Variants in PCDHGB4 observed in about 807,000 individuals in gnomAD.
The protein encoded by PCDHGB4 is protocadherin gamma subfamily B, 4, also known as protocadherin gamma-B4.
PCDHGB4 carries 38 observed loss-of-function variants against 60.5 expected under a neutral mutation model. The ratio of observed to expected loss-of-function variants is 0.63; its 90% CI spans 0.48 to 0.82. The LOEUF (loss-of-function observed/expected upper bound fraction) is 0.82, where lower values mean the gene tolerates loss of function less well. Among genes scored for constraint, PCDHGB4 ranks in the 40% least tolerant of loss-of-function variants. The pLI is 0.00. For synonymous variants in PCDHGB4, 456 were observed against 509.7 expected (o/e 0.89, Z 1.42); for missense variants, 1,109 against 1,209.6 (o/e 0.92, Z 1.23).
chr5:141,478,882 A>G, intron 1 of PCDHGB4: 1 of 1,200,164 alleles, frequency 8.3e-7, no homozygotes. Context: ...TTAGCTTGGT[A>G]TCATTTACAT....
intron 1 of PCDHGB4, among the ~76,000 whole-genome samples, chr5:141,438,614 A>G (rs1208036297): frequency 5.8e-5 from 2 of 34,396 alleles, no homozygotes. Context: ...ATATATATAT[A>G]TATATATATA....
intron 1 of PCDHGB4, chr5:141,423,110 G>C: frequency 6.2e-7 from 1 of 1,613,842 alleles, no homozygotes; most frequent in Non-Finnish European, 8.5e-7. Context: ...GGCGAGGTGC[G>C]TACAGCGCGG....
At chr5:141,420,811 CT>C (rs2096526727) in intron 1 of PCDHGB4, among the ~76,000 whole-genome samples, 1 of 152,214 alleles carries the variant, frequency 6.6e-6, no homozygotes, top group Admixed American at 6.5e-5. Flanking sequence ...TAAGCAAGCC[CT>C]TTTAATAATT....
At chr5:141,420,018 G>A (rs2096458708) in intron 1 of PCDHGB4, 2 of 1,613,948 alleles carry the variant, frequency 1.2e-6, no homozygotes, top group African/African-American at 1.3e-5. Flanking sequence ...CAGTCTTTCA[G>A]CCCTACTGCA....
intron 2 of PCDHGB4, among the ~76,000 whole-genome samples, chr5:141,501,166 C>T (rs1443045812): frequency 6.6e-6 from 1 of 152,154 alleles, no homozygotes; most frequent in African/African-American, 2.4e-5. Flanking sequence ...CATCCCCAGC[C>T]TCATTTACAT....
At chr5:141,415,014 C>G (rs747951360) in intron 1 of PCDHGB4, 1 of 1,613,502 alleles carries the variant, frequency 6.2e-7, no homozygotes, top group African/African-American at 1.3e-5. Flanking sequence ...ACCGTCTGCT[C>G]AAGGCCAGCG....
chr5:141,474,967 T>G (rs745581213), intron 1 of PCDHGB4, among the ~76,000 whole-genome samples: 6 of 152,252 alleles, frequency 3.9e-5, no homozygotes, highest in Non-Finnish European at 7.3e-5. Context: ...TCCTAATCAT[T>G]ATAATTTTGT....
At position 141,485,833 on chromosome 5, in the gene PCDHGB4, G is replaced by A. The variant is rs780944737; in HGVS notation, c.2398-8974G>A. 64 of 1,613,904 alleles carry A rather than the reference G, an allele frequency of 4.0e-5. No homozygotes were observed. Among genetic ancestry groups the A allele is most frequent in the Non-Finnish European group, 2.5e-6 (3 of 1,180,004 alleles). On this transcript the variant is annotated intron_variant, in intron 1 of 3. Coordinates refer to ENST00000519479, the MANE Select transcript of PCDHGB4 (RefSeq NM_003736.4). This position sits in a 1 kb window ranked among gnomAD's most constrained non-coding sequence, Gnocchi z 5.7. Reference sequence around the variant, plus strand: ...TGACTGCTGTCGATGGAGGGAACCCGCCGAGATCTGGCACCGCAGAGCTCC... The same window carrying A: ...TGACTGCTGTCGATGGAGGGAACCCACCGAGATCTGGCACCGCAGAGCTCC...
At chr5:141,467,455 GCTAGTA>G (rs2099144342) in intron 1 of PCDHGB4, among the ~76,000 whole-genome samples, 1 of 152,192 alleles carries the variant, frequency 6.6e-6, no homozygotes, top group African/African-American at 2.4e-5. Context: ...TTCTTCCAGT[GCTAGTA>G]CTTGCATGGT....
Position 141,423,758 on chromosome 5 carries a change from GGGT to G in PCDHGB4, c.2397+33480_2397+33482del, listed in dbSNP as rs776356896. The G allele has an allele frequency of 7.0e-4, 256 of 366,834 alleles. 2 individuals are homozygous for G. The highest frequency in any genetic ancestry group is 6.8e-3 in the African/African-American group (232 of 34,230). The allele number at this position is 366,834 out of a possible 1,614,324, so 22.7% of individuals were successfully genotyped here. A position where few individuals can be genotyped will look rare whatever the true frequency, so the allele number is the denominator to read the frequency against. ...CTGTTATGAAAACTGTTTGGGGGGG[GGGT>G]GGGGCGGCATATATTTAGTTCATAT... On this transcript the variant is annotated intron_variant, in intron 1 of 3. Coordinates refer to ENST00000519479, the MANE Select transcript of PCDHGB4 (RefSeq NM_003736.4).
intron 1 of PCDHGB4, among the ~76,000 whole-genome samples, chr5:141,456,765 C>A (rs1468235444): frequency 2.0e-5 from 3 of 151,852 alleles, no homozygotes; most frequent in Non-Finnish European, 2.9e-5. Context: ...GAGTTTGAGA[C>A]CAGCCTGGCC....
chr5:141,423,241 G>A (rs1485226833), intron 1 of PCDHGB4: 19 of 1,613,954 alleles, frequency 1.2e-5, no homozygotes, highest in Non-Finnish European at 1.4e-5. Flanking sequence ...CATCCCCGAA[G>A]TCCTGGCGGA....
Position 141,393,770 on chromosome 5 carries a change from A to G in PCDHGB4, c.2397+3489A>G, listed in dbSNP as rs372280460. 83 of 1,613,864 alleles carry G rather than the reference A, an allele frequency of 5.1e-5. 1 individual carries two copies. Among genetic ancestry groups the G allele is most frequent in the Middle Eastern group, 1.6e-4 (1 of 6,084 alleles). On this transcript the variant is annotated intron_variant, in intron 1 of 3. Transcript: ENST00000519479. ...AATGTTCATTTTATGAAATGGAAAT[A>G]CAAGCCGAAGATGTGGGGGCACTTC... is the stretch of plus-strand genomic sequence containing the variant.
At chr5:141,481,592 C>T (rs765060653) in intron 1 of PCDHGB4, among the ~76,000 whole-genome samples, 2 of 152,112 alleles carry the variant, frequency 1.3e-5, no homozygotes, top group East Asian at 1.9e-4. Context: ...CTGAGGCCAG[C>T]GGATCACCTG....
chr5:141,478,302 C>T lies in PCDHGB4; in HGVS notation c.2398-16505C>T. On this transcript the variant is annotated intron_variant, in intron 1 of 3. Transcript: ENST00000519479. ...AAGCAGTCTAGAGACCTATACCGAG[C>T]CCCGGTGAGCTCACTGTACCGAACA... 4 of 1,614,070 alleles carry T rather than the reference C, an allele frequency of 2.5e-6. No individual in the cohort carries two copies. Among genetic ancestry groups the T allele is most frequent in the Non-Finnish European group, 3.4e-6 (4 of 1,180,038 alleles).
chr5:141,418,284 T>A (rs766608852), intron 1 of PCDHGB4: 19 of 1,613,826 alleles, frequency 1.2e-5, no homozygotes, highest in Non-Finnish European at 1.4e-5. Flanking sequence ...AACTTAGAAA[T>A]CAGTGAATCC....
intron 1 of PCDHGB4, chr5:141,412,426 A>G (rs1051574976): frequency 2.6e-5 from 4 of 152,234 alleles, no homozygotes; most frequent in African/African-American, 9.6e-5. Context: ...GTTTTACACA[A>G]AAAGGTTAAT....
chr5:141,427,099 A>G (rs989437547), intron 1 of PCDHGB4: 3 of 457,936 alleles, frequency 6.6e-6, no homozygotes, highest in African/African-American at 6.0e-5. Context: ...GAGGGTGTCA[A>G]TGCGGAGATC....
rs201279747 is a variant in PCDHGB4, at chr5:141,414,931, G to A, written c.2397+24650G>A. On this transcript the variant is annotated intron_variant, in intron 1 of 3. Coordinates refer to ENST00000519479, the MANE Select transcript of PCDHGB4 (RefSeq NM_003736.4). ...AGGCGTGGAGCTGGCGCCCCGCTCC[G>A]CAGAGCCCGGCTACCTGGTGACCAA... 123 of 1,614,120 alleles carry A rather than the reference G, an allele frequency of 7.6e-5. No homozygotes were observed. In the East Asian group the frequency reaches 2.5e-3, roughly 33 times the overall value.
Sources: gnomAD v4.1 joint callset for allele counts (sites outside exome capture counted in the v4.1 genomes callset) on GRCh38, gnomAD v4.1.1 for gene constraint, Gnocchi (gnomAD v3.1) non-coding constraint, MANE v1.5 for transcripts, NCBI Gene and HGNC (gene_info 2026-07-23, HGNC 2026-07-21) for gene names.